Variants in CNTNAP2 observed in about 807,000 individuals in gnomAD.
The protein encoded by CNTNAP2 is contactin-associated protein-like 2.
Under a neutral mutation model 155.2 loss-of-function variants are expected in CNTNAP2, and 98 were observed. The observed-to-expected ratio is 0.63, with a 90% confidence interval of 0.54 to 0.75. CNTNAP2 has a LOEUF of 0.75. Among genes scored for constraint, CNTNAP2 ranks in the 30% least tolerant of loss-of-function variants. The pLI is 0.00. For synonymous variants in CNTNAP2, 651 were observed against 631.2 expected, an observed-to-expected ratio of 1.03 and a Z score of -0.47; for missense variants, 1,727 against 1,688.1, an observed-to-expected ratio of 1.02 and a Z score of -0.40.
intron 14 of CNTNAP2, among the ~76,000 whole-genome samples, chr7:147,969,461 G>A (rs1453786487): frequency 6.6e-6 from 1 of 152,136 alleles, no homozygotes; most frequent in African/African-American, 2.4e-5. Context: ...TTGCATGTTG[G>A]TTTGGTCTGA....
intron 1 of CNTNAP2, among the ~76,000 whole-genome samples, chr7:146,554,761 C>T (rs1251535247): frequency 2.6e-5 from 4 of 152,178 alleles, no homozygotes; most frequent in African/African-American, 7.2e-5. Flanking sequence ...AGACAGCTGC[C>T]CAGGCAGGTG....
At chr7:147,706,854 G>C (rs1796323876) in intron 13 of CNTNAP2, among the ~76,000 whole-genome samples, 1 of 151,984 alleles carries the variant, frequency 6.6e-6, no homozygotes, top group Non-Finnish European at 1.5e-5. Context: ...GTCTGGCTGG[G>C]TTATTTCAAA....
At chr7:147,874,039 G>A (rs1410806558) in intron 13 of CNTNAP2, among the ~76,000 whole-genome samples, 3 of 152,150 alleles carry the variant, frequency 2.0e-5, no homozygotes, top group Non-Finnish European at 4.4e-5. Context: ...CACAGCCTTG[G>A]GCAGCTCTGC....
At chr7:148,330,853 GGAAT>G (rs1797984170) in intron 21 of CNTNAP2, among the ~76,000 whole-genome samples, 1 of 149,318 alleles carries the variant, frequency 6.7e-6, no homozygotes, top group Non-Finnish European at 1.5e-5. Context: ...ATGGATGGAT[GGAAT>G]GGATGGACGG....
At chr7:147,573,436 G>A (rs189084851) in intron 12 of CNTNAP2, among the ~76,000 whole-genome samples, 1 of 152,042 alleles carries the variant, frequency 6.6e-6, no homozygotes, top group Non-Finnish European at 1.5e-5. Flanking sequence ...GCTTTTATGT[G>A]CATCCATGTT....
intron 1 of CNTNAP2, among the ~76,000 whole-genome samples, chr7:146,173,276 G>A (rs999559685): frequency 4.6e-5 from 7 of 151,910 alleles, no homozygotes; most frequent in African/African-American, 1.7e-4. Flanking sequence ...CTCATATTAA[G>A]GATTGAATAA....
chr7:147,369,506 G>A (rs1447634231), intron 9 of CNTNAP2, among the ~76,000 whole-genome samples: 1 of 152,172 alleles, frequency 6.6e-6, no homozygotes, highest in Non-Finnish European at 1.5e-5. Context: ...AATCGTTTCT[G>A]ACTTTTCTTT....
At chr7:146,187,963 A>T (rs1798647204) in intron 1 of CNTNAP2, among the ~76,000 whole-genome samples, 2 of 152,204 alleles carry the variant, frequency 1.3e-5, no homozygotes, top group Non-Finnish European at 2.9e-5. Flanking sequence ...CTGTGAGCAG[A>T]ACAGTTCCTC....
At chr7:148,338,472 C>G (rs1246545190) in intron 21 of CNTNAP2, among the ~76,000 whole-genome samples, 1 of 151,884 alleles carries the variant, frequency 6.6e-6, no homozygotes, top group Non-Finnish European at 1.5e-5. Flanking sequence ...AAACTCTTCC[C>G]TCCCCCCACC....
chr7:146,159,260 C>A (rs902405232), intron 1 of CNTNAP2, among the ~76,000 whole-genome samples: 22 of 152,312 alleles, frequency 1.4e-4, no homozygotes, highest in Non-Finnish European at 2.9e-4. Context: ...TGGAAAGGAA[C>A]AACCAGTACC....
intron 2 of CNTNAP2, among the ~76,000 whole-genome samples, chr7:146,789,951 A>G (rs183149773): frequency 6.6e-6 from 1 of 151,500 alleles, no homozygotes; most frequent in African/African-American, 2.4e-5. Flanking sequence ...TCTGGCATCA[A>G]TAATAACAAT....
intron 14 of CNTNAP2, among the ~76,000 whole-genome samples, chr7:147,909,754 A>G (rs762615974): frequency 4.6e-5 from 7 of 152,176 alleles, no homozygotes; most frequent in Non-Finnish European, 1.0e-4. Flanking sequence ...CGAAAATGAA[A>G]TTATCAGGGA....
At chr7:146,343,277 A>C (rs571825356) in intron 1 of CNTNAP2, among the ~76,000 whole-genome samples, 65 of 152,292 alleles carry the variant, frequency 4.3e-4, no homozygotes, top group Middle Eastern at 3.4e-3. Flanking sequence ...CGCTTAGAGA[A>C]CATTCCCACT....
chr7:147,403,641 T>G (rs970155493), intron 10 of CNTNAP2, among the ~76,000 whole-genome samples: 1 of 152,198 alleles, frequency 6.6e-6, no homozygotes, highest in East Asian at 1.9e-4. Context: ...TGTTTTGCTC[T>G]CAAAAATATA....
At chr7:146,735,323 C>T (rs571043113) in intron 1 of CNTNAP2, among the ~76,000 whole-genome samples, 45 of 152,218 alleles carry the variant, frequency 3.0e-4, no homozygotes, top group Admixed American at 2.1e-3. Context: ...GAGGCCGAGA[C>T]GGGCAGATGA....
At chr7:146,597,594 A>G (rs1798882392) in intron 1 of CNTNAP2, among the ~76,000 whole-genome samples, 1 of 152,052 alleles carries the variant, frequency 6.6e-6, no homozygotes, top group Non-Finnish European at 1.5e-5. Flanking sequence ...TTGTCTTCCC[A>G]GAACCTTAGT....
At chr7:147,745,747 A>G (rs1346427561) in intron 13 of CNTNAP2, among the ~76,000 whole-genome samples, 2 of 152,256 alleles carry the variant, frequency 1.3e-5, no homozygotes, top group Non-Finnish European at 2.9e-5. Flanking sequence ...TTGTCTGCAT[A>G]GAGGACATCT....
At chr7:146,821,357 C>T (rs1048417737) in intron 2 of CNTNAP2, among the ~76,000 whole-genome samples, 3 of 151,984 alleles carry the variant, frequency 2.0e-5, no homozygotes, top group Admixed American at 6.6e-5. Context: ...TAGGGCAGGC[C>T]TGGTGGTGAC....
At position 148,127,281 on chromosome 7, in the gene CNTNAP2, C is replaced by T. The variant is rs1307461212; in HGVS notation, c.2554+8993C>T. On this transcript the variant is annotated intron_variant, in intron 16 of 23. Coordinates refer to ENST00000361727, the MANE Select transcript of CNTNAP2 (RefSeq NM_014141.6). ...TCCAGCCCAGGTGACAGAGCAAGAC[C>T]CTATCTCAAAATAAATAAATAAATA... 7.2e-5 allele frequency among the ~76,000 whole-genome samples: 11 copies of T among 152,156 alleles called. No individual in the cohort carries two copies. The South Asian group carries it at 2.1e-3, about 29-fold the overall frequency.
Sources: gnomAD v4.1 joint callset for allele counts (sites outside exome capture counted in the v4.1 genomes callset) on GRCh38, gnomAD v4.1.1 for gene constraint, MANE v1.5 for transcripts, NCBI Gene and HGNC (gene_info 2026-07-23, HGNC 2026-07-21) for gene names.